The following IQCM variants were observed in gnomAD, a reference collection of about 807,000 sequenced individuals.
The protein encoded by IQCM is IQ domain-containing protein M.
Under a neutral mutation model 57.6 loss-of-function variants are expected in IQCM, and 45 were observed. The ratio of observed to expected loss-of-function variants is 0.78; its 90% CI spans 0.62 to 1.00. IQCM has a LOEUF of 1.00. Ranked by LOEUF, IQCM falls within the 50% of genes least tolerant of loss-of-function variation. IQCM has a pLI of 0.00. For synonymous variants in IQCM, 148 were observed against 158.9 expected (o/e 0.93, Z 0.51); for missense variants, 468 against 511.6 (o/e 0.91, Z 0.82).
chr4:149,807,102 TC>T (rs1459641375), intron 2 of IQCM, among the ~76,000 whole-genome samples: 1 of 151,616 alleles, frequency 6.6e-6, no homozygotes, highest in Non-Finnish European at 1.5e-5. Flanking sequence ...AATCTACATA[TC>T]CAACACAATC....
At chr4:149,577,082 G>A (rs975036559) in intron 9 of IQCM, among the ~76,000 whole-genome samples, 2 of 151,706 alleles carry the variant, frequency 1.3e-5, no homozygotes, top group South Asian at 4.1e-4. Flanking sequence ...TTTTTAATGG[G>A]GTTGTTTTTT....
chr4:149,734,326 T>C lies in IQCM; in HGVS notation c.121-818A>G, dbSNP rs1224678815. ...GATAAAAATTTAAACAGGTCAAGTT[T>C]CTAAGGCACATCTGTCTAACTCTGA... On this transcript the variant is annotated intron_variant, in intron 4 of 13. Coordinates refer to ENST00000636793, the MANE Select transcript of IQCM (RefSeq NM_001363507.2). Among the ~76,000 whole-genome samples, 3 of 152,200 alleles carry C rather than the reference T, an allele frequency of 2.0e-5. No individual in the cohort carries two copies. The East Asian group carries it at 5.8e-4, about 29-fold the overall frequency.
intron 13 of IQCM, among the ~76,000 whole-genome samples, chr4:149,402,717 A>T (rs77175761): frequency 0.011 from 1,678 of 152,028 alleles, 16 homozygotes; most frequent in Non-Finnish European, 0.017. Flanking sequence ...TAGTTACTAG[A>T]AACTTAACTA....
intron 7 of IQCM, among the ~76,000 whole-genome samples, chr4:149,622,846 C>G (rs901704635): frequency 6.6e-6 from 1 of 152,148 alleles, no homozygotes; most frequent in African/African-American, 2.4e-5. Flanking sequence ...TGCACCATTA[C>G]GTACAATAAG....
intron 13 of IQCM, among the ~76,000 whole-genome samples, chr4:149,362,045 T>C (rs569498464): frequency 6.6e-6 from 1 of 152,102 alleles, no homozygotes; most frequent in East Asian, 1.9e-4. Context: ...AGACCTGGAG[T>C]CAAAGGAGAT....
intron 12 of IQCM, among the ~76,000 whole-genome samples, chr4:149,455,509 C>T (rs919207450): frequency 6.6e-6 from 1 of 152,084 alleles, no homozygotes; most frequent in Non-Finnish European, 1.5e-5. Flanking sequence ...GACATGAAGA[C>T]ATGTCCCTTT....
chr4:149,802,188 T>G (rs960071253), intron 2 of IQCM, among the ~76,000 whole-genome samples: 8 of 151,464 alleles, frequency 5.3e-5, no homozygotes, highest in Non-Finnish European at 1.2e-4. Flanking sequence ...ACTAGTCCCC[T>G]AGGATGAGCC....
intron 5 of IQCM, among the ~76,000 whole-genome samples, chr4:149,687,438 T>C (rs1437278840): frequency 6.6e-6 from 1 of 151,372 alleles, no homozygotes. Context: ...ATAATATAAA[T>C]TTAAAAACAA....
intron 5 of IQCM, among the ~76,000 whole-genome samples, chr4:149,727,872 T>G (rs1766095358): frequency 6.6e-6 from 1 of 152,236 alleles, no homozygotes; most frequent in Admixed American, 6.5e-5. Flanking sequence ...TGCAGTGGTG[T>G]GCTGCAGCAA....
At chr4:149,726,323 C>T (rs1204584189) in intron 5 of IQCM, among the ~76,000 whole-genome samples, 1 of 152,118 alleles carries the variant, frequency 6.6e-6, no homozygotes, top group Non-Finnish European at 1.5e-5. Context: ...GAAGTAATCT[C>T]ACCACCTGCT....
intron 2 of IQCM, among the ~76,000 whole-genome samples, chr4:149,775,099 TA>T (rs1770967376): frequency 2.6e-5 from 4 of 151,690 alleles, no homozygotes. Context: ...AACTTTGCAT[TA>T]TTCCTCCTTT....
chr4:149,430,522 C>T (rs1216273644), intron 13 of IQCM, among the ~76,000 whole-genome samples: 1 of 151,914 alleles, frequency 6.6e-6, no homozygotes, highest in Non-Finnish European at 1.5e-5. Context: ...TCCCCATTCC[C>T]AGGTAGCCAC....
chr4:149,644,183 T>C (rs1758442961), intron 7 of IQCM, among the ~76,000 whole-genome samples: 1 of 152,164 alleles, frequency 6.6e-6, no homozygotes, highest in African/African-American at 2.4e-5. Flanking sequence ...TAAAATCTAC[T>C]ATTGTAAAAT....
intron 5 of IQCM, among the ~76,000 whole-genome samples, chr4:149,714,347 A>AC (rs1764816192): frequency 6.6e-6 from 1 of 152,122 alleles, no homozygotes; most frequent in Non-Finnish European, 1.5e-5. Context: ...AGACTTCTCT[A>AC]ACTCCCTCCC....
At chr4:149,372,448 T>C (rs1730428883) in intron 13 of IQCM, among the ~76,000 whole-genome samples, 3 of 152,096 alleles carry the variant, frequency 2.0e-5, no homozygotes, top group Admixed American at 6.6e-5. Flanking sequence ...TAAACTTAAA[T>C]GTAACCTTCC....
chr4:149,702,628 A>G (rs1384621862), intron 5 of IQCM, among the ~76,000 whole-genome samples: 1 of 151,954 alleles, frequency 6.6e-6, no homozygotes, highest in Non-Finnish European at 1.5e-5. Flanking sequence ...CCCACTGGTA[A>G]GCATGAAAGG....
At chr4:149,411,064 T>C (rs1430329658) in intron 13 of IQCM, among the ~76,000 whole-genome samples, 1 of 152,140 alleles carries the variant, frequency 6.6e-6, no homozygotes, top group Non-Finnish European at 1.5e-5. Flanking sequence ...GCATCCTGTT[T>C]CTAACAATGG....
intron 12 of IQCM, among the ~76,000 whole-genome samples, chr4:149,470,882 G>A (rs1032973818): frequency 2.6e-5 from 4 of 152,260 alleles, no homozygotes; most frequent in East Asian, 1.9e-4. Context: ...GTTACATAAC[G>A]AAATGAAGGT....
chr4:149,724,781 A>G (rs768516005), intron 5 of IQCM, among the ~76,000 whole-genome samples: 52 of 152,194 alleles, frequency 3.4e-4, no homozygotes, highest in Non-Finnish European at 6.9e-4. Flanking sequence ...TGCAAATTAT[A>G]TATTATATAG....
Sources: allele counts gnomAD v4.1 joint callset (sites outside exome capture counted in the v4.1 genomes callset), GRCh38; gene constraint gnomAD v4.1.1; transcripts MANE v1.5; gene names NCBI Gene and HGNC (gene_info 2026-07-23, HGNC 2026-07-21).